The following AFG2A variants were observed in gnomAD, a reference collection of about 807,000 sequenced individuals.
The protein encoded by AFG2A is ATPase family gene 2 protein homolog A.
chr4:123,103,947 G>A, the AFG2A span, among the ~76,000 whole-genome samples: 4,645 of 152,118 alleles, frequency 0.031, 123 homozygotes, highest in Non-Finnish European at 0.042. Context: ...AAATCAGTTC[G>A]GGGATCTGAG....
At chr4:123,239,268 A>G in the AFG2A span, among the ~76,000 whole-genome samples, 1 of 152,322 alleles carries the variant, frequency 6.6e-6, no homozygotes, top group East Asian at 1.9e-4. Context: ...TCAGGATATT[A>G]TCCAGGAGAA....
the AFG2A span, among the ~76,000 whole-genome samples, chr4:122,932,990 A>G: frequency 1.3e-5 from 2 of 152,250 alleles, no homozygotes; most frequent in Non-Finnish European, 2.9e-5. Flanking sequence ...TGCCTATGAC[A>G]ATAAAAAATG....
At chr4:123,241,118 T>C in the AFG2A span, among the ~76,000 whole-genome samples, 1 of 151,834 alleles carries the variant, frequency 6.6e-6, no homozygotes, top group Admixed American at 6.6e-5. Context: ...CAATAACAGG[T>C]TCTGAAATTG....
At chr4:123,164,298 T>C in the AFG2A span, among the ~76,000 whole-genome samples, 1 of 152,244 alleles carries the variant, frequency 6.6e-6, no homozygotes. Context: ...TTCATGTGTG[T>C]AACTTACTTT....
chr4:123,028,422 ACT>A, the AFG2A span: 1 of 1,600,398 alleles, frequency 6.2e-7, no homozygotes, highest in Non-Finnish European at 8.6e-7. Flanking sequence ...TTTAATCGCT[ACT>A]CTCTCTTGGC....
the AFG2A span, among the ~76,000 whole-genome samples, chr4:123,143,914 G>A: frequency 6.6e-6 from 1 of 150,496 alleles, no homozygotes; most frequent in Non-Finnish European, 1.5e-5. Flanking sequence ...AGAAAGTCAG[G>A]CCTCACCAGC....
the AFG2A span, among the ~76,000 whole-genome samples, chr4:123,192,094 T>G: frequency 7.2e-5 from 11 of 152,010 alleles, no homozygotes; most frequent in Non-Finnish European, 1.5e-4. Flanking sequence ...TGGTGTGATC[T>G]TAGCTCACTG....
the AFG2A span, chr4:123,316,217 AC>A: frequency 2.0e-5 from 3 of 152,376 alleles, no homozygotes; most frequent in Admixed American, 6.5e-5. Flanking sequence ...GAATATTACC[AC>A]TTAGAACTGT....
At chr4:122,929,039 G>T in the AFG2A span, 1 of 1,612,832 alleles carries the variant, frequency 6.2e-7, no homozygotes, top group African/African-American at 1.3e-5. Flanking sequence ...CTGTCTGGCA[G>T]GTGTATACAG....
At chr4:123,272,981 A>G in the AFG2A span, among the ~76,000 whole-genome samples, 1 of 152,252 alleles carries the variant, frequency 6.6e-6, no homozygotes, top group African/African-American at 2.4e-5. Flanking sequence ...ATAACTAATG[A>G]AGGAAGATCA....
At chr4:123,316,723 A>C in the AFG2A span, 1 of 152,174 alleles carries the variant, frequency 6.6e-6, no homozygotes, top group African/African-American at 2.4e-5. Flanking sequence ...TCAATCAACA[A>C]GTTTAGATAT....
the AFG2A span, among the ~76,000 whole-genome samples, chr4:123,123,336 A>G: frequency 6.6e-6 from 1 of 152,226 alleles, no homozygotes; most frequent in Admixed American, 6.5e-5. Flanking sequence ...ATTTAACTTT[A>G]GAGAGAACTT....
chr4:123,091,060 A>G, the AFG2A span, among the ~76,000 whole-genome samples: 1 of 152,204 alleles, frequency 6.6e-6, no homozygotes, highest in Non-Finnish European at 1.5e-5. Flanking sequence ...GGCCTCTGGA[A>G]AGCACCCTGT....
At chr4:123,225,393 T>C in the AFG2A span, among the ~76,000 whole-genome samples, 5 of 152,158 alleles carry the variant, frequency 3.3e-5, no homozygotes, top group Admixed American at 2.0e-4. Context: ...TTGTATAAGG[T>C]GTAAGGAAGG....
At chr4:123,292,900 C>A in the AFG2A span, among the ~76,000 whole-genome samples, 1 of 152,114 alleles carries the variant, frequency 6.6e-6, no homozygotes, top group Admixed American at 6.5e-5. Flanking sequence ...TATGCAATAC[C>A]CCAGTGGTGG....
the AFG2A span, among the ~76,000 whole-genome samples, chr4:123,090,903 T>C: frequency 1.3e-5 from 2 of 152,244 alleles, no homozygotes; most frequent in East Asian, 3.8e-4. Context: ...ATACAAGTTA[T>C]ACAAAGCAAG....
At chr4:123,123,718 C>T in the AFG2A span, among the ~76,000 whole-genome samples, 10 of 151,606 alleles carry the variant, frequency 6.6e-5, no homozygotes, top group African/African-American at 1.7e-4. Context: ...GAGGCCGAGA[C>T]GGGTGGATCA....
chr4:122,967,283 C>A, the AFG2A span, among the ~76,000 whole-genome samples: 1 of 151,896 alleles, frequency 6.6e-6, no homozygotes, highest in Admixed American at 6.6e-5. Flanking sequence ...GTCTGTAGTC[C>A]TAGCTACTTG....
chr4:123,066,489 A>G, the AFG2A span, among the ~76,000 whole-genome samples: 1 of 152,156 alleles, frequency 6.6e-6, no homozygotes, highest in African/African-American at 2.4e-5. Context: ...GGCCTAGACA[A>G]GACTAGAACT....
Sources: gnomAD v4.1 joint callset for allele counts (sites outside exome capture counted in the v4.1 genomes callset) on GRCh38, gnomAD v4.1.1 for gene constraint, MANE v1.5 for transcripts, NCBI Gene and HGNC (gene_info 2026-07-23, HGNC 2026-07-21) for gene names.